TMEFF2: variants seen among roughly 807,000 people sequenced by gnomAD.
TMEFF2 encodes transmembrane protein with EGF like and two follistatin like domains 2.
In TMEFF2, 28 loss-of-function variants were observed where a neutral mutation model predicts 53.8. That is an observed-to-expected ratio of 0.52 (90% CI 0.39 to 0.71). TMEFF2 has a LOEUF of 0.71. Among genes scored for constraint, TMEFF2 ranks in the 30% least tolerant of loss-of-function variants. The probability of loss-of-function intolerance (pLI) is 0.00; values close to 1 mark genes in which losing one functional copy is unlikely to be tolerated. For synonymous variants in TMEFF2, 162 were observed against 166.3 expected (o/e 0.97, Z 0.20); for missense variants, 353 against 455.2 (o/e 0.78, Z 2.04).
At chr2:192,109,350 C>T (rs1050940698) in intron 4 of TMEFF2, among the ~76,000 whole-genome samples, 1 of 151,970 alleles carries the variant, frequency 6.6e-6, no homozygotes, top group South Asian at 2.1e-4. Context: ...CTTTGCAAAT[C>T]CCTTTCTGTT....
intron 5 of TMEFF2, among the ~76,000 whole-genome samples, chr2:192,050,531 G>A (rs979599811): frequency 6.6e-6 from 1 of 151,924 alleles, no homozygotes; most frequent in Non-Finnish European, 1.5e-5. Context: ...GTTATTATTT[G>A]ACTATTGCAT....
chr2:191,953,670 G>A lies in TMEFF2; in HGVS notation c.1028+9C>T. On this transcript the variant is annotated intron_variant, in intron 9 of 9. Transcript: ENST00000272771. ...TTTATTTGGGTAGCCACCAAGTGCT[G>A]TTACTGACCTTGTGATGCAGAGGAC... 1 of 1,613,058 alleles carries A rather than the reference G, an allele frequency of 6.2e-7. No individual in the cohort carries two copies. Among genetic ancestry groups the A allele is most frequent in the Non-Finnish European group, 8.5e-7 (1 of 1,179,512 alleles).
At chr2:191,958,968 TAA>T (rs574371256) in intron 7 of TMEFF2, among the ~76,000 whole-genome samples, 62 of 152,286 alleles carry the variant, frequency 4.1e-4, no homozygotes, top group African/African-American at 1.2e-3. Flanking sequence ...TTTAGTATAT[TAA>T]GAGTAGAAAC....
At chr2:191,952,365 A>C (rs993957422) in intron 9 of TMEFF2, among the ~76,000 whole-genome samples, 3 of 152,236 alleles carry the variant, frequency 2.0e-5, no homozygotes, top group Admixed American at 2.0e-4. Flanking sequence ...TCGAAGTAGC[A>C]ATCAAATTGT....
chr2:192,066,172 T>G (rs1310587649), intron 4 of TMEFF2, among the ~76,000 whole-genome samples: 1 of 151,834 alleles, frequency 6.6e-6, no homozygotes, highest in Non-Finnish European at 1.5e-5. Context: ...TTACATCGTA[T>G]TATTAAAATG....
At chr2:192,003,583 T>C (rs1686418925) in intron 5 of TMEFF2, among the ~76,000 whole-genome samples, 1 of 152,176 alleles carries the variant, frequency 6.6e-6, no homozygotes, top group African/African-American at 2.4e-5. Flanking sequence ...TTTTAAGACA[T>C]TGCAAATTAA....
chr2:192,104,475 C>T (rs1408268502), intron 4 of TMEFF2, among the ~76,000 whole-genome samples: 1 of 152,046 alleles, frequency 6.6e-6, no homozygotes, highest in East Asian at 1.9e-4. Context: ...TTGTATACTC[C>T]AGCTTAGTCT....
chr2:192,023,693 T>A (rs1298044334), intron 5 of TMEFF2, among the ~76,000 whole-genome samples: 1 of 152,068 alleles, frequency 6.6e-6, no homozygotes, highest in Non-Finnish European at 1.5e-5. Context: ...TGTTTGTTTA[T>A]CTTCTATCTA....
At chr2:192,106,670 C>T (rs141112154) in intron 4 of TMEFF2, among the ~76,000 whole-genome samples, 60 of 151,886 alleles carry the variant, frequency 4.0e-4, no homozygotes, top group African/African-American at 1.4e-3. Flanking sequence ...TACTTCAGTA[C>T]TCCCTATCTG....
chr2:192,128,929 TGGCACA>T (rs1689744055), intron 4 of TMEFF2, among the ~76,000 whole-genome samples: 3 of 152,198 alleles, frequency 2.0e-5, no homozygotes, highest in Non-Finnish European at 4.4e-5. Context: ...CTCCAGTGTG[TGGCACA>T]TGTGGTGCCT....
intron 4 of TMEFF2, among the ~76,000 whole-genome samples, chr2:192,097,431 T>C (rs550264981): frequency 3.9e-4 from 60 of 152,378 alleles, no homozygotes; most frequent in African/African-American, 1.3e-3. Flanking sequence ...AAATATTTTG[T>C]TAGCTCAAAA....
At chr2:191,978,846 T>A (rs911040738) in intron 7 of TMEFF2, among the ~76,000 whole-genome samples, 5 of 152,178 alleles carry the variant, frequency 3.3e-5, no homozygotes, top group Admixed American at 1.3e-4. Flanking sequence ...CTTCTTATGG[T>A]GAATTCCGTA....
chr2:192,135,200 G>A (rs1224346668), intron 4 of TMEFF2, among the ~76,000 whole-genome samples: 1 of 152,240 alleles, frequency 6.6e-6, no homozygotes, highest in Non-Finnish European at 1.5e-5. Flanking sequence ...TACACTGCCA[G>A]TTCACACTGT....
chr2:191,960,473 A>G (rs569492543), intron 7 of TMEFF2, among the ~76,000 whole-genome samples: 1 of 152,232 alleles, frequency 6.6e-6, no homozygotes, highest in South Asian at 2.1e-4. Flanking sequence ...AGGGGGTCAC[A>G]TGTCATCTTC....
intron 4 of TMEFF2, among the ~76,000 whole-genome samples, chr2:192,171,999 A>C (rs1690926439): frequency 6.6e-6 from 1 of 151,896 alleles, no homozygotes; most frequent in Admixed American, 6.6e-5. Flanking sequence ...AGAGTATTTC[A>C]CTCAGATAGC....
chr2:192,193,998 A>G (rs1050877851), intron 1 of TMEFF2, among the ~76,000 whole-genome samples: 6 of 152,294 alleles, frequency 3.9e-5, no homozygotes, highest in African/African-American at 1.4e-4. Flanking sequence ...TTTTTCTTTA[A>G]TGATGACAAA....
chr2:192,129,725 C>T (rs1254749654), intron 4 of TMEFF2, among the ~76,000 whole-genome samples: 1 of 152,124 alleles, frequency 6.6e-6, no homozygotes, highest in African/African-American at 2.4e-5. Flanking sequence ...GAGCAAGGTC[C>T]TTTGTATATG....
At chr2:191,964,450 A>C (rs1484973824) in intron 7 of TMEFF2, among the ~76,000 whole-genome samples, 1 of 133,082 alleles carries the variant, frequency 7.5e-6, no homozygotes, top group Non-Finnish European at 1.6e-5. Context: ...CTTTTAACCC[A>C]TGTACCTTGT....
intron 7 of TMEFF2, among the ~76,000 whole-genome samples, chr2:191,966,349 C>T (rs544230386): frequency 5.3e-5 from 8 of 152,056 alleles, no homozygotes; most frequent in Non-Finnish European, 1.2e-4. Flanking sequence ...AACAGATCAT[C>T]GAGTTTTAAA....
Sources: allele counts gnomAD v4.1 joint callset (sites outside exome capture counted in the v4.1 genomes callset), GRCh38; gene constraint gnomAD v4.1.1; transcripts MANE v1.5; gene names NCBI Gene and HGNC (gene_info 2026-07-23, HGNC 2026-07-21).